Variants in DRC8 observed in about 807,000 individuals in gnomAD.
The protein encoded by DRC8 is dynein regulatory complex subunit 8.
chr1:245,027,715 C>T, the DRC8 span, among the ~76,000 whole-genome samples: 1 of 152,116 alleles, frequency 6.6e-6, no homozygotes, highest in Non-Finnish European at 1.5e-5. Flanking sequence ...TTTATTTTTA[C>T]ACTGACAAGG....
At chr1:244,969,948 T>G in the DRC8 span, 1 of 497,614 alleles carries the variant, frequency 2.0e-6, no homozygotes, top group Admixed American at 4.3e-5. Flanking sequence ...GGAGCCCAGC[T>G]CTTCACCTAG....
chr1:245,080,266 G>T, the DRC8 span, among the ~76,000 whole-genome samples: 1 of 152,112 alleles, frequency 6.6e-6, no homozygotes, highest in African/African-American at 2.4e-5. Flanking sequence ...TAGATAGCCC[G>T]ACATGAAAGT....
chr1:245,028,322 C>A, the DRC8 span, among the ~76,000 whole-genome samples: 1 of 152,076 alleles, frequency 6.6e-6, no homozygotes, highest in African/African-American at 2.4e-5. Context: ...AACATATTTC[C>A]TAATTTTAGA....
the DRC8 span, among the ~76,000 whole-genome samples, chr1:245,061,091 C>T: frequency 2.0e-5 from 3 of 152,372 alleles, no homozygotes; most frequent in South Asian, 6.2e-4. Flanking sequence ...ACAAATACCA[C>T]ATCTAGTACT....
At chr1:245,026,435 G>C in the DRC8 span, among the ~76,000 whole-genome samples, 2 of 152,106 alleles carry the variant, frequency 1.3e-5, no homozygotes, top group Admixed American at 1.3e-4. Context: ...ATAACATTTC[G>C]CAATTCATGT....
the DRC8 span, among the ~76,000 whole-genome samples, chr1:245,013,296 G>T: frequency 6.6e-6 from 1 of 152,166 alleles, no homozygotes; most frequent in Non-Finnish European, 1.5e-5. Flanking sequence ...TTTACAGTAT[G>T]AGAAGAAATC....
At chr1:245,074,375 C>T in the DRC8 span, among the ~76,000 whole-genome samples, 1 of 152,100 alleles carries the variant, frequency 6.6e-6, no homozygotes, top group Non-Finnish European at 1.5e-5. Flanking sequence ...AACTACTTGG[C>T]GTGGGAGCGG....
the DRC8 span, chr1:244,970,460 G>T: frequency 6.6e-7 from 1 of 1,525,336 alleles, no homozygotes; most frequent in South Asian, 1.2e-5. Flanking sequence ...TAGGGGAGCC[G>T]GGGAGCCGCT....
At chr1:245,049,447 T>C in the DRC8 span, among the ~76,000 whole-genome samples, 2 of 152,206 alleles carry the variant, frequency 1.3e-5, no homozygotes. This position sits in a 1 kb window ranked among gnomAD's most constrained non-coding sequence, Gnocchi z 4.5. Context: ...AAAACTGATA[T>C]TTTCTGGGAG....
chr1:245,018,226 CAAA>C, the DRC8 span, among the ~76,000 whole-genome samples: 2 of 62,660 alleles, frequency 3.2e-5, no homozygotes, highest in Non-Finnish European at 6.5e-5. Flanking sequence ...GACTCTGTCT[CAAA>C]AAAAAAAAAA....
chr1:245,006,632 A>C, the DRC8 span, among the ~76,000 whole-genome samples: 1 of 152,272 alleles, frequency 6.6e-6, no homozygotes, highest in East Asian at 1.9e-4. Context: ...AACAGAGTTC[A>C]GAAGGGTTTA....
the DRC8 span, among the ~76,000 whole-genome samples, chr1:245,029,926 T>C: frequency 1.3e-5 from 2 of 152,184 alleles, no homozygotes; most frequent in East Asian, 1.9e-4. Flanking sequence ...CTTGATCAAG[T>C]GCAAATTTTG....
At chr1:245,097,494 G>T in the DRC8 span, among the ~76,000 whole-genome samples, 4 of 151,692 alleles carry the variant, frequency 2.6e-5, no homozygotes, top group Admixed American at 2.0e-4. The surrounding 1 kb of genome is among the most constrained non-coding windows in gnomAD (Gnocchi z 5.0). Context: ...CTCCAGCCTG[G>T]GAGACAAAGC....
the DRC8 span, among the ~76,000 whole-genome samples, chr1:245,008,291 A>G: frequency 4.6e-5 from 7 of 152,360 alleles, no homozygotes; most frequent in Non-Finnish European, 5.9e-5. Flanking sequence ...TATTAAAAAA[A>G]TCATTATGTT....
the DRC8 span, among the ~76,000 whole-genome samples, chr1:245,116,186 C>T: frequency 1.2e-3 from 185 of 151,882 alleles, no homozygotes; most frequent in Middle Eastern, 6.8e-3. Context: ...CTGTGCCTGG[C>T]CTAAAGATCC....
At chr1:245,041,616 G>T in the DRC8 span, among the ~76,000 whole-genome samples, 1 of 152,122 alleles carries the variant, frequency 6.6e-6, no homozygotes, top group Non-Finnish European at 1.5e-5. Context: ...GTGTTTTAAA[G>T]TCTTAACCTC....
At chr1:245,010,499 A>G in the DRC8 span, among the ~76,000 whole-genome samples, 1 of 152,096 alleles carries the variant, frequency 6.6e-6, no homozygotes, top group African/African-American at 2.4e-5. Context: ...CGCTGTGCAG[A>G]ACAGGAGGCC....
the DRC8 span, among the ~76,000 whole-genome samples, chr1:245,102,602 G>A: frequency 1.3e-5 from 2 of 151,782 alleles, no homozygotes; most frequent in African/African-American, 4.9e-5. Flanking sequence ...CACCCGCCTT[G>A]GCCTCCCAAA....
At chr1:245,119,064 G>C in the DRC8 span, among the ~76,000 whole-genome samples, 1 of 152,144 alleles carries the variant, frequency 6.6e-6, no homozygotes, top group Admixed American at 6.6e-5. Context: ...GCCTCTGGCT[G>C]TTATGCGAGG....
Sources: gnomAD v4.1 joint callset for allele counts (sites outside exome capture counted in the v4.1 genomes callset) on GRCh38, gnomAD v4.1.1 for gene constraint, Gnocchi (gnomAD v3.1) non-coding constraint, MANE v1.5 for transcripts, NCBI Gene and HGNC (gene_info 2026-07-23, HGNC 2026-07-21) for gene names.